The following ERBB4 variants were observed in gnomAD, a reference collection of about 807,000 sequenced individuals.
ERBB4 encodes the protein receptor tyrosine-protein kinase erbB-4.
A neutral mutation model predicts 158.0 loss-of-function variants in ERBB4; 42 were observed. The observed-to-expected ratio is 0.27, with a 90% CI of 0.21 to 0.34. The LOEUF (loss-of-function observed/expected upper bound fraction) is 0.34, where lower values mean the gene tolerates loss of function less well. ERBB4 is among the 10% of genes least tolerant of loss of function. ERBB4 has a pLI of 1.00. For missense variants in ERBB4, 1,333 were observed against 1,624.1 expected (o/e 0.82, Z 3.08); for synonymous variants, 583 against 558.7 (o/e 1.04, Z -0.61).
intron 1 of ERBB4, among the ~76,000 whole-genome samples, chr2:212,302,808 G>A (rs562836498): frequency 1.3e-5 from 2 of 151,572 alleles, no homozygotes; most frequent in South Asian, 4.1e-4. Flanking sequence ...ACACACATGA[G>A]CATGTATTTC....
chr2:211,709,268 T>TATACACACATAC (rs2073589992), intron 9 of ERBB4, among the ~76,000 whole-genome samples: 1 of 143,882 alleles, frequency 7.0e-6, no homozygotes, highest in African/African-American at 2.7e-5. Context: ...TATATATATA[T>TATACACACATAC]ATATATACAT....
At chr2:211,967,756 T>C (rs535090925) in intron 2 of ERBB4, among the ~76,000 whole-genome samples, 1 of 152,148 alleles carries the variant, frequency 6.6e-6, no homozygotes, top group Non-Finnish European at 1.5e-5. Context: ...AGAATTCAGT[T>C]ATATTGTTTT....
intron 13 of ERBB4, among the ~76,000 whole-genome samples, chr2:211,675,810 A>ATATAT (rs61556310): frequency 2.8e-5 from 4 of 143,492 alleles, no homozygotes; most frequent in Non-Finnish European, 6.2e-5. Context: ...ATATATATAT[A>ATATAT]ACAAATAGGC....
intron 1 of ERBB4, among the ~76,000 whole-genome samples, chr2:212,529,698 T>C (rs1692646456): frequency 6.6e-6 from 1 of 152,176 alleles, no homozygotes; most frequent in African/African-American, 2.4e-5. Flanking sequence ...CTGCAGAGTA[T>C]AAAAACATTG....
At chr2:211,605,537 T>C (rs1358427708) in intron 19 of ERBB4, among the ~76,000 whole-genome samples, 2 of 152,104 alleles carry the variant, frequency 1.3e-5, no homozygotes, top group Non-Finnish European at 1.5e-5. Flanking sequence ...TAAGAGAGCT[T>C]ACAGACATTG....
At chr2:212,407,324 T>A (rs969983805) in intron 1 of ERBB4, among the ~76,000 whole-genome samples, 7 of 152,002 alleles carry the variant, frequency 4.6e-5, no homozygotes, top group African/African-American at 1.2e-4. Flanking sequence ...ATTTATTGAG[T>A]GCTTAATAAC....
chr2:211,888,980 C>T (rs1476028914), intron 3 of ERBB4, among the ~76,000 whole-genome samples: 5 of 149,108 alleles, frequency 3.4e-5, no homozygotes, highest in Non-Finnish European at 5.9e-5. Context: ...GGAGGGGCGC[C>T]CGCCATTGCC....
At chr2:211,768,112 G>T (rs1277340459) in intron 4 of ERBB4, among the ~76,000 whole-genome samples, 2 of 152,170 alleles carry the variant, frequency 1.3e-5, no homozygotes, top group Non-Finnish European at 2.9e-5. Context: ...AGGGGCTCCA[G>T]GTGCCATTCA....
chr2:211,755,467 A>G (rs1201002015), intron 4 of ERBB4, among the ~76,000 whole-genome samples: 1 of 152,184 alleles, frequency 6.6e-6, no homozygotes, highest in Non-Finnish European at 1.5e-5. Context: ...GCTCCACTGC[A>G]CTCCAGCCTG....
At chr2:211,932,221 G>A (rs1034807040) in intron 3 of ERBB4, among the ~76,000 whole-genome samples, 4 of 151,910 alleles carry the variant, frequency 2.6e-5, no homozygotes, top group Non-Finnish European at 4.4e-5. Flanking sequence ...AAATTTCTGC[G>A]TTAAGAATCT....
chr2:211,747,076 TA>T (rs2074998499), intron 5 of ERBB4, among the ~76,000 whole-genome samples: 2 of 152,154 alleles, frequency 1.3e-5, no homozygotes, highest in Admixed American at 1.3e-4. Context: ...AAACCTCAAT[TA>T]GCTTTAACAT....
chr2:211,905,005 T>C (rs2079338401), intron 3 of ERBB4, among the ~76,000 whole-genome samples: 1 of 152,270 alleles, frequency 6.6e-6, no homozygotes, highest in East Asian at 1.9e-4. Flanking sequence ...CTTTAATATA[T>C]GTTGTTCTTT....
At chr2:212,518,990 C>A (rs1380095718) in intron 1 of ERBB4, among the ~76,000 whole-genome samples, 2 of 151,886 alleles carry the variant, frequency 1.3e-5, no homozygotes, top group African/African-American at 4.8e-5. Flanking sequence ...ATCATCTCCC[C>A]TGAAAAAATG....
At chr2:212,155,903 T>C (rs56926019) in intron 1 of ERBB4, among the ~76,000 whole-genome samples, 1,535 of 152,278 alleles carry the variant, frequency 0.01, 10 homozygotes, top group Middle Eastern at 0.031. Flanking sequence ...AGAACACATA[T>C]ATTACAATAT....
chr2:212,286,600 T>TTTTTTTTTTGTTG (rs2085977846), intron 1 of ERBB4, among the ~76,000 whole-genome samples: 1 of 79,192 alleles, frequency 1.3e-5, no homozygotes. Context: ...CTGACTTTTT[T>TTTTTTTTTTGTTG]TTTTTTTTTT....
chr2:212,159,481 C>G (rs1231988978), intron 1 of ERBB4, among the ~76,000 whole-genome samples: 1 of 151,890 alleles, frequency 6.6e-6, no homozygotes, highest in African/African-American at 2.4e-5. Flanking sequence ...ATTACTTATA[C>G]ATTTAAAATA....
At chr2:212,280,551 T>G (rs1398353617) in intron 1 of ERBB4, among the ~76,000 whole-genome samples, 1 of 151,702 alleles carries the variant, frequency 6.6e-6, no homozygotes, top group African/African-American at 2.4e-5. Context: ...CAATCACCTT[T>G]TAGACATAAA....
chr2:211,561,725 C>T (rs1018930142), intron 20 of ERBB4, 178 bp downstream of exon 20: 4 of 631,524 alleles, frequency 6.3e-6, no homozygotes, highest in African/African-American at 1.8e-5. Context: ...AAATATATAT[C>T]ACGCATTTAA....
chr2:211,415,107 C>CTTT (rs71047175), intron 25 of ERBB4, among the ~76,000 whole-genome samples: 6,420 of 72,560 alleles, frequency 0.088, 1,886 homozygotes, highest in Non-Finnish European at 0.12. Flanking sequence ...CTTACATTTT[C>CTTT]TTTTTTTTTT....
Sources: gnomAD v4.1 joint callset for allele counts (sites outside exome capture counted in the v4.1 genomes callset) on GRCh38, gnomAD v4.1.1 for gene constraint, MANE v1.5 for transcripts, NCBI Gene and HGNC (gene_info 2026-07-23, HGNC 2026-07-21) for gene names.